Variants in DNAJC12 observed in about 807,000 individuals in gnomAD.
DNAJC12 encodes the protein dnaJ homolog subfamily C member 12.
DNAJC12 carries 25 observed loss-of-function variants against 28.5 expected under a neutral mutation model. The observed-to-expected ratio is 0.88, with a 90% CI of 0.64 to 1.22. The LOEUF (loss-of-function observed/expected upper bound fraction) is 1.22, where lower values mean the gene tolerates loss of function less well. Among genes scored for constraint, DNAJC12 ranks in the 50% most tolerant of loss-of-function variants. The pLI, the probability that DNAJC12 is intolerant of heterozygous loss-of-function variation, is 0.00. For missense variants in DNAJC12, 222 were observed against 231.7 expected, an observed-to-expected ratio of 0.96 and a Z score of 0.27; for synonymous variants, 77 against 80.6, an observed-to-expected ratio of 0.95 and a Z score of 0.24.
At chr10:67,819,686 G>GAA (rs1564863181) in intron 2 of DNAJC12, among the ~76,000 whole-genome samples, 1 of 14,782 alleles carries the variant, frequency 6.8e-5, no homozygotes, top group African/African-American at 2.8e-4. Context: ...AAGAAAGAAA[G>GAA]AAAGAAAGAA....
chr10:67,834,070 G>A, intron 1 of DNAJC12: 1 of 457,936 alleles, frequency 2.2e-6, no homozygotes, highest in Non-Finnish European at 4.5e-6. Context: ...TTTACTAGAA[G>A]GTCAAGCTAA....
chr10:67,797,890 A>G (rs1310791470), intron 4 of DNAJC12, among the ~76,000 whole-genome samples: 1 of 151,964 alleles, frequency 6.6e-6, no homozygotes, highest in African/African-American at 2.4e-5. Flanking sequence ...AATACAAAAA[A>G]TTAGCCGGGC....
At chr10:67,815,957 C>T (rs1300440659) in intron 2 of DNAJC12, 3 of 397,246 alleles carry the variant, frequency 7.6e-6, no homozygotes, top group Non-Finnish European at 1.3e-5. Flanking sequence ...CACTTCACCA[C>T]ATTTAACAAA....
intron 1 of DNAJC12, among the ~76,000 whole-genome samples, chr10:67,832,074 T>C (rs1282230495): frequency 1.3e-5 from 2 of 152,170 alleles, no homozygotes; most frequent in African/African-American, 4.8e-5. Context: ...GAGACCGGCC[T>C]GACCAACATG....
intron 1 of DNAJC12, among the ~76,000 whole-genome samples, chr10:67,829,459 T>C (rs1842070861): frequency 6.6e-6 from 1 of 151,948 alleles, no homozygotes; most frequent in Non-Finnish European, 1.5e-5. Context: ...GCTAAAACAG[T>C]GAAACCCTGT....
At chr10:67,836,244 T>G (rs1406858736) in intron 1 of DNAJC12, among the ~76,000 whole-genome samples, 2 of 151,954 alleles carry the variant, frequency 1.3e-5, no homozygotes, top group South Asian at 2.1e-4. Flanking sequence ...AAATACCTAA[T>G]GTATGCGGGG....
chr10:67,826,308 A>C (rs1449856308), intron 1 of DNAJC12, among the ~76,000 whole-genome samples: 1 of 151,154 alleles, frequency 6.6e-6, no homozygotes, highest in Non-Finnish European at 1.5e-5. Context: ...CTAATTTTGC[A>C]TGTTTTATAG....
intron 4 of DNAJC12, among the ~76,000 whole-genome samples, chr10:67,805,205 A>T (rs538562456): frequency 1.3e-5 from 2 of 152,230 alleles, no homozygotes; most frequent in East Asian, 3.9e-4. Flanking sequence ...TTTCTCATCT[A>T]TAAAATGAGA....
intron 1 of DNAJC12, chr10:67,827,542 C>T (rs376217498): frequency 6.6e-6 from 1 of 151,710 alleles, no homozygotes; most frequent in South Asian, 2.1e-4. Flanking sequence ...CAAAAATTAC[C>T]CAGGTGTGGT....
Position 67,811,617 on chromosome 10 carries a change from A to G in DNAJC12, c.204T>C (p.Asn68=), listed in dbSNP as rs1841861178. Reference sequence around the variant, plus strand: ...GGTCATAGCGGGCTCGACTCTCTTCATTGGTCAGAATCTCCTTTGCCTTCT... The same window carrying G: ...GGTCATAGCGGGCTCGACTCTCTTCGTTGGTCAGAATCTCCTTTGCCTTCT... ...KLQKAKEILT[N]EESRARYDHW... The change falls in exon 3 of 5, where the codon AAT becomes AAC. Residue 68 remains asparagine (N), a synonymous_variant. Transcript: ENST00000225171. 6.2e-7 allele frequency: 1 copy of G among 1,613,968 alleles called. No individual in the cohort carries two copies. Among genetic ancestry groups the G allele is most frequent in the Non-Finnish European group, 8.5e-7 (1 of 1,179,994 alleles).
At chr10:67,832,402 A>G (rs1842103376) in intron 1 of DNAJC12, among the ~76,000 whole-genome samples, 1 of 152,170 alleles carries the variant, frequency 6.6e-6, no homozygotes, top group Non-Finnish European at 1.5e-5. Flanking sequence ...TATCCCTGAA[A>G]TAAATGAGAG....
At chr10:67,801,509 G>T (rs1007701692) in intron 4 of DNAJC12, among the ~76,000 whole-genome samples, 6 of 152,060 alleles carry the variant, frequency 3.9e-5, no homozygotes, top group Admixed American at 6.6e-5. Flanking sequence ...ATGATTCCCA[G>T]TTGGATGCAA....
intron 4 of DNAJC12, among the ~76,000 whole-genome samples, chr10:67,800,212 A>C (rs1589601176): frequency 9.8e-6 from 1 of 101,618 alleles, no homozygotes. Context: ...ACAGAGAGAG[A>C]CTCTATCTCA....
chr10:67,805,443 T>C (rs1841790202), intron 4 of DNAJC12, 140 bp downstream of exon 4: 2 of 888,282 alleles, frequency 2.3e-6, no homozygotes, highest in Non-Finnish European at 3.4e-6. Flanking sequence ...GTGTCAATGC[T>C]AAGTGTCTTT....
At chr10:67,816,412 T>A (rs1282488084) in intron 2 of DNAJC12, among the ~76,000 whole-genome samples, 1 of 151,968 alleles carries the variant, frequency 6.6e-6, no homozygotes, top group African/African-American at 2.4e-5. Context: ...AAAAAAAAAA[T>A]TGAGACATTA....
Position 67,832,850 on chromosome 10 carries a change from C to T in DNAJC12, c.78+5084G>A, listed in dbSNP as rs1194435663. ...AACCTAGCAGAAGACACCTGACAGACATCACCTTAACGAAGTGCTCAAGGT... is the reference window on the plus strand; with the variant it reads ...AACCTAGCAGAAGACACCTGACAGATATCACCTTAACGAAGTGCTCAAGGT... On this transcript the variant is annotated intron_variant, in intron 1 of 4. Transcript: ENST00000225171. Among the ~76,000 whole-genome samples, 3 of 152,176 alleles carry T rather than the reference C, an allele frequency of 2.0e-5. No homozygotes were observed. In the East Asian group the frequency reaches 5.8e-4, roughly 29 times the overall value.
intron 2 of DNAJC12, among the ~76,000 whole-genome samples, chr10:67,812,727 G>A (rs567816062): frequency 2.0e-5 from 3 of 151,452 alleles, no homozygotes; most frequent in South Asian, 2.1e-4. Context: ...GGTGGCAGGC[G>A]CCTGTATTCC....
chr10:67,801,547 T>C (rs1016271498), intron 4 of DNAJC12, among the ~76,000 whole-genome samples: 1 of 152,130 alleles, frequency 6.6e-6, no homozygotes, highest in African/African-American at 2.4e-5. Context: ...CTTAGCACTT[T>C]GGGAGGCCAA....
intron 2 of DNAJC12, among the ~76,000 whole-genome samples, chr10:67,819,755 G>A (rs1455071883): frequency 3.1e-4 from 6 of 19,530 alleles, no homozygotes; most frequent in African/African-American, 7.7e-4. Context: ...AGGAAGGAAG[G>A]AAGGAAGGAA....
Sources: allele counts gnomAD v4.1 joint callset (sites outside exome capture counted in the v4.1 genomes callset), GRCh38; gene constraint gnomAD v4.1.1; transcripts MANE v1.5; gene names NCBI Gene and HGNC (gene_info 2026-07-23, HGNC 2026-07-21).